MOB3B: variants seen among roughly 807,000 people sequenced by gnomAD.
MOB3B encodes the protein MOB kinase activator-like 2B.
Under a neutral mutation model 18.7 loss-of-function variants are expected in MOB3B, and 7 were observed. The observed-to-expected ratio is 0.37, with a 90% CI of 0.21 to 0.70. The LOEUF (loss-of-function observed/expected upper bound fraction) is 0.70. Among genes scored for constraint, MOB3B ranks in the 30% least tolerant of loss-of-function variants. The probability of loss-of-function intolerance (pLI) is 0.52; values close to 1 mark genes in which losing one functional copy is unlikely to be tolerated. For missense variants in MOB3B, 253 were observed against 281.3 expected (o/e 0.90, Z 0.72); for synonymous variants, 111 against 99.9 (o/e 1.11, Z -0.66).
rs201522588 is a variant in MOB3B at position 27,355,556 on chromosome 9, TTTC to T, written c.621+3475_621+3477del. ...TTCTTGAGAGCATAGTTTTTTTCTT[TTTC>T]TTCTTTTTTTTTTTTTTTGAGACGG... is the stretch of plus-strand genomic sequence containing the variant. On this transcript the variant is annotated intron_variant, in intron 3 of 3. Transcript: ENST00000262244. 6.1e-3 allele frequency among the ~76,000 whole-genome samples: 831 copies of T among 135,856 alleles called. 7 individuals are homozygous for T. The highest frequency in any genetic ancestry group is 0.011 in the Admixed American group (142 of 13,322). The allele number at this position is 135,856 out of a possible 152,430, so 89.1% of individuals were successfully genotyped here. A position where few individuals can be genotyped will look rare whatever the true frequency, so the allele number is the denominator to read the frequency against.
rs985199599 is a variant in MOB3B at position 27,327,029 on chromosome 9, C to G, written c.*3558G>C. On this transcript the variant is annotated 3_prime_UTR_variant, in exon 4 of 4. Coordinates refer to ENST00000262244, the MANE Select transcript of MOB3B (RefSeq NM_024761.5). ...GAAAAAATAAAAGCGTTGAATATTT[C>G]ACCTCTGGCTACAGGGAGCATACAA... 1 of 153,414 alleles carries G rather than the reference C, an allele frequency of 6.5e-6. No homozygotes were observed. Among genetic ancestry groups the G allele is most frequent in the South Asian group, 2.1e-4 (1 of 4,836 alleles). 9.5% of individuals were successfully genotyped at this position (153,414 alleles called of 1,614,324 possible).
chr9:27,488,769 G>C (rs1819769917), intron 1 of MOB3B, among the ~76,000 whole-genome samples: 1 of 152,172 alleles, frequency 6.6e-6, no homozygotes, highest in Non-Finnish European at 1.5e-5. Flanking sequence ...AACCAAACAG[G>C]ATGCCCCTTT....
chr9:27,340,392 C>G (rs1196901054), intron 3 of MOB3B, among the ~76,000 whole-genome samples: 2 of 152,206 alleles, frequency 1.3e-5, no homozygotes, highest in Non-Finnish European at 2.9e-5. Context: ...ATTCAGCCTC[C>G]TGATTTACAT....
At chr9:27,485,210 T>A (rs1268834363) in intron 1 of MOB3B, among the ~76,000 whole-genome samples, 1 of 152,156 alleles carries the variant, frequency 6.6e-6, no homozygotes, top group Non-Finnish European at 1.5e-5. Context: ...ACCCATGAGG[T>A]AAGTACTGTT....
intron 1 of MOB3B, among the ~76,000 whole-genome samples, chr9:27,467,469 T>C (rs945851917): frequency 6.6e-6 from 1 of 152,354 alleles, no homozygotes; most frequent in African/African-American, 2.4e-5. Flanking sequence ...CCAACCATAA[T>C]GTGCTCTTTC....
At chr9:27,482,866 G>C (rs569574596) in intron 1 of MOB3B, among the ~76,000 whole-genome samples, 6 of 152,278 alleles carry the variant, frequency 3.9e-5, no homozygotes, top group African/African-American at 1.2e-4. Context: ...AAATGGGTTG[G>C]CCTGATAAGG....
At chr9:27,523,461 C>A in intron 1 of MOB3B, among the ~76,000 whole-genome samples, 3 of 72,688 alleles carry the variant, frequency 4.1e-5, no homozygotes, top group South Asian at 4.2e-4. Context: ...GCCTAAACTG[C>A]ACCAAAAAAA....
intron 2 of MOB3B, among the ~76,000 whole-genome samples, chr9:27,401,422 A>T (rs1386173853): frequency 6.6e-6 from 1 of 152,220 alleles, no homozygotes; most frequent in Non-Finnish European, 1.5e-5. Context: ...GTCTCAAGTC[A>T]GTGTCCACCC....
chr9:27,500,569 C>T (rs536770194), intron 1 of MOB3B, among the ~76,000 whole-genome samples: 1 of 152,252 alleles, frequency 6.6e-6, no homozygotes, highest in African/African-American at 2.4e-5. Context: ...AACTGGATCC[C>T]TTCCTTACAC....
chr9:27,403,040 G>C (rs1461212555), intron 2 of MOB3B, among the ~76,000 whole-genome samples: 2 of 152,142 alleles, frequency 1.3e-5, no homozygotes, highest in African/African-American at 4.8e-5. Flanking sequence ...AGGGAAGCAG[G>C]TTAAAAGGGA....
chr9:27,424,951 C>T (rs1822305130), intron 2 of MOB3B, among the ~76,000 whole-genome samples: 1 of 152,216 alleles, frequency 6.6e-6, no homozygotes, highest in Admixed American at 6.5e-5. Context: ...CTGCATTCTG[C>T]TCTAGGGTTC....
At chr9:27,472,388 A>G (rs1189819561) in intron 1 of MOB3B, among the ~76,000 whole-genome samples, 3 of 152,136 alleles carry the variant, frequency 2.0e-5, no homozygotes, top group Non-Finnish European at 2.9e-5. Context: ...CCACAGGCGC[A>G]GGGCTGAGCC....
chr9:27,496,550 A>T (rs1819903274), intron 1 of MOB3B, among the ~76,000 whole-genome samples: 1 of 152,310 alleles, frequency 6.6e-6, no homozygotes, highest in Middle Eastern at 3.4e-3. Context: ...CCTAAATATT[A>T]AAAAATATGG....
At chr9:27,350,659 T>G (rs1407878228) in intron 3 of MOB3B, among the ~76,000 whole-genome samples, 1 of 152,168 alleles carries the variant, frequency 6.6e-6, no homozygotes, top group Non-Finnish European at 1.5e-5. Context: ...ATAATCATGT[T>G]TCTTTGCTAT....
At chr9:27,416,308 G>C (rs2131406664) in intron 2 of MOB3B, among the ~76,000 whole-genome samples, 1 of 152,160 alleles carries the variant, frequency 6.6e-6, no homozygotes, top group Admixed American at 6.5e-5. Context: ...AGGGAAAAAA[G>C]AGCTTTTCTT....
At chr9:27,365,161 G>GAAAAAAAAAAAAAAAAAA (rs1563850862) in intron 2 of MOB3B, among the ~76,000 whole-genome samples, 1 of 44,360 alleles carries the variant, frequency 2.3e-5, no homozygotes. Flanking sequence ...TTTGGGGGAG[G>GAAAAAAAAAAAAAAAAAA]CAAAAAAAAA....
At chr9:27,404,987 T>A (rs1821944626) in intron 2 of MOB3B, among the ~76,000 whole-genome samples, 1 of 151,992 alleles carries the variant, frequency 6.6e-6, no homozygotes, top group South Asian at 2.1e-4. Flanking sequence ...CTCATTGCAG[T>A]TTTAGTTTGC....
intron 2 of MOB3B, among the ~76,000 whole-genome samples, chr9:27,371,907 A>G (rs148196438): frequency 1.3e-5 from 2 of 152,330 alleles, no homozygotes; most frequent in African/African-American, 4.8e-5. Context: ...AAAATTTTCA[A>G]ACGTTTTATT....
chr9:27,441,486 G>A (rs780201540), intron 2 of MOB3B, among the ~76,000 whole-genome samples: 1 of 152,292 alleles, frequency 6.6e-6, no homozygotes, highest in East Asian at 1.9e-4. Context: ...TACTGCAAAG[G>A]TTAACTGATA....
Sources: gnomAD v4.1 joint callset for allele counts (sites outside exome capture counted in the v4.1 genomes callset) on GRCh38, gnomAD v4.1.1 for gene constraint, MANE v1.5 for transcripts, NCBI Gene and HGNC (gene_info 2026-07-23, HGNC 2026-07-21) for gene names.